Variants in ACAT1 observed in about 807,000 individuals in gnomAD.
ACAT1 encodes acetyl-CoA acetyltransferase, mitochondrial.
Under a neutral mutation model 47.3 loss-of-function variants are expected in ACAT1, and 28 were observed. That is an observed-to-expected ratio of 0.59 (90% CI 0.44 to 0.81). The LOEUF is 0.81. Ranked by LOEUF, ACAT1 falls within the 30% of genes least tolerant of loss-of-function variation. The pLI is 0.00. For synonymous variants in ACAT1, 181 were observed against 173.6 expected, an observed-to-expected ratio of 1.04 and a Z score of -0.34; for missense variants, 469 against 524.3, an observed-to-expected ratio of 0.89 and a Z score of 1.03.
chr11:108,129,691 T>C (rs1280862425), intron 1 of ACAT1, among the ~76,000 whole-genome samples: 1 of 152,164 alleles, frequency 6.6e-6, no homozygotes, highest in Non-Finnish European at 1.5e-5. Context: ...TCTTTTCCTC[T>C]GGGTAGATAC....
intron 7 of ACAT1, among the ~76,000 whole-genome samples, chr11:108,140,653 C>T (rs959973745): frequency 2.0e-5 from 3 of 152,192 alleles, no homozygotes; most frequent in Non-Finnish European, 4.4e-5. Flanking sequence ...TTCTCTCAGC[C>T]TTTCTAAAGT....
chr11:108,123,670 TTTTC>T (rs1479633186), intron 1 of ACAT1, among the ~76,000 whole-genome samples: 31 of 152,286 alleles, frequency 2.0e-4, no homozygotes, highest in East Asian at 7.7e-4. Context: ...GTGATTTCCT[TTTTC>T]TTTGTTTTTT....
In ACAT1 at chr11:108,142,845, A is replaced by G. The variant is rs2077620407; in HGVS notation, c.940+295A>G. 1.4e-5 allele frequency: 5 copies of G among 356,004 alleles called. No individual in the cohort carries two copies. The South Asian group carries it at 1.4e-4, about 10-fold the overall frequency. The allele number at this position is 356,004 out of a possible 1,614,324, so 22.1% of individuals were successfully genotyped here. Reference sequence around the variant, plus strand: ...GAGCGAGACCCTGTCTTAAAAAAAAATAAGGTTTCTAAACATCTATAAGCT... The same window carrying G: ...GAGCGAGACCCTGTCTTAAAAAAAAGTAAGGTTTCTAAACATCTATAAGCT... On this transcript the variant is annotated intron_variant, in intron 9 of 11. Transcript: ENST00000265838.
At chr11:108,134,049 T>C in intron 3 of ACAT1, 112 bp downstream of exon 3, 2 of 1,180,980 alleles carry the variant, frequency 1.7e-6, no homozygotes, top group South Asian at 2.5e-5. Context: ...AATGCCTACA[T>C]TTCTGCTTTC....
chr11:108,127,407 G>C (rs929430030), intron 1 of ACAT1, among the ~76,000 whole-genome samples: 4 of 151,918 alleles, frequency 2.6e-5, no homozygotes, highest in African/African-American at 7.3e-5. Context: ...TAGGGCTACA[G>C]GTGCCCGCCA....
chr11:108,123,936 A>G (rs1386884310), intron 1 of ACAT1, among the ~76,000 whole-genome samples: 1 of 152,204 alleles, frequency 6.6e-6, no homozygotes, highest in African/African-American at 2.4e-5. Flanking sequence ...ACTTAAAAAA[A>G]AATTCCTGTA....
At chr11:108,122,704 A>G (rs1391704698) in intron 1 of ACAT1, among the ~76,000 whole-genome samples, 1 of 152,184 alleles carries the variant, frequency 6.6e-6, no homozygotes, top group African/African-American at 2.4e-5. Flanking sequence ...TCTAAAATTG[A>G]TCCTGGGTGA....
chr11:108,135,169 C>A lies in ACAT1; in HGVS notation c.362C>A (p.Thr121Asn), dbSNP rs774412064. 1 of 1,613,762 alleles carries A rather than the reference C, an allele frequency of 6.2e-7. No homozygotes were observed. The highest frequency in any genetic ancestry group is 1.7e-5 in the Admixed American group (1 of 60,000). ...AGLPISTPCT[T>N]INKVCASGMK... The stretch of plus-strand genomic sequence containing the variant: ...TTACCTATTTCTACTCCATGTACCA[C>A]CATAAACAAAGTTTGTGCTTCAGGA... The change falls in exon 5 of 12, where the codon ACC becomes AAC. Residue 121 changes from threonine to asparagine, a missense_variant. By Grantham distance (65) the Thr-to-Asn change is moderately conservative (BLOSUM62 0). Coordinates refer to ENST00000265838, the MANE Select transcript of ACAT1 (RefSeq NM_000019.4).
At position 108,134,297 on chromosome 11, in the gene ACAT1, G is replaced by A. The variant is rs776235078; in HGVS notation, c.315G>A (p.Arg105=). 6.2e-7 allele frequency: 1 copy of A among 1,613,452 alleles called. No homozygotes were observed. The highest frequency in any genetic ancestry group is 8.5e-7 in the Non-Finnish European group (1 of 1,179,668). The part of the protein sequence containing the change: ...LQGGEGQAPT[R]QAVLGAGLPI... ...GAGGTGAAGGACAAGCTCCTACAAG[G>A]CAGGCAGTATTGGGTGCAGGTACCT... is the stretch of plus-strand genomic sequence containing the variant. Residue 105 remains arginine, a synonymous_variant, in exon 4 of 12, where the codon AGG becomes AGA. Coordinates refer to ENST00000265838, the MANE Select transcript of ACAT1 (RefSeq NM_000019.4).
chr11:108,127,969 A>T (rs943167762), intron 1 of ACAT1: 1 of 152,304 alleles, frequency 6.6e-6, no homozygotes, highest in African/African-American at 2.4e-5. Flanking sequence ...CAGGAGTTTG[A>T]GACCAGCTTG....
upstream of ACAT1, among the ~76,000 whole-genome samples, chr11:108,119,349 G>A (rs955756791): frequency 1.3e-5 from 2 of 152,040 alleles, no homozygotes; most frequent in African/African-American, 4.8e-5. Context: ...GATCACAGGT[G>A]CCCACTACCA....
In ACAT1 at chr11:108,147,309, C is replaced by T; in HGVS notation, c.1203C>T (p.Ala401=). 2 of 1,613,856 alleles carry T rather than the reference C, an allele frequency of 1.2e-6. No homozygotes were observed. The highest frequency in any genetic ancestry group is 1.7e-6 in the Non-Finnish European group (2 of 1,179,904). Residue 401 remains alanine (A), a synonymous_variant, in exon 12 of 12, where the codon GCC becomes GCT. Transcript: ENST00000265838. ...GARIVGHLTH[A]LKQGEYGLAS... is the part of the protein sequence containing the mutation. ...GGATTGTTGGTCATTTGACTCATGC[C>T]TTGAAGCAAGGAGAATACGGTCTTG...
rs1591374644 is a variant in ACAT1 at position 108,146,268 on chromosome 11, C to G, written c.1072C>G (p.Leu358Val). The G allele has an allele frequency of 6.2e-7, 1 of 1,613,536 alleles. No individual in the cohort carries two copies. Among genetic ancestry groups the G allele is most frequent in the Non-Finnish European group, 8.5e-7 (1 of 1,179,614 alleles). The change falls in exon 11 of 12, where the codon CTG becomes GTG. Residue 358 changes from leucine to valine, a missense_variant. Transcript: ENST00000265838. Reference sequence around the variant, plus strand: ...GTGGGAAGTAAATGAAGCCTTTAGTCTGGTTGTACTAGCAAACATTAAAAT... The same window carrying G: ...GTGGGAAGTAAATGAAGCCTTTAGTGTGGTTGTACTAGCAAACATTAAAAT... ...AMWEVNEAFSLVVLANIKMLE... is the reference protein window; with the variant it reads ...AMWEVNEAFSVVVLANIKMLE...
intron 1 of ACAT1, among the ~76,000 whole-genome samples, chr11:108,126,791 C>CTT (rs766192283): frequency 4.8e-4 from 55 of 114,544 alleles, no homozygotes; most frequent in Non-Finnish European, 7.2e-4. Flanking sequence ...AACAGGTTTT[C>CTT]TTTTTTTTTT....
chr11:108,137,459 G>A (rs2077489689), intron 5 of ACAT1, among the ~76,000 whole-genome samples: 1 of 152,206 alleles, frequency 6.6e-6, no homozygotes, highest in South Asian at 2.1e-4. Flanking sequence ...AGTCAGATGA[G>A]TGTTGATGAT....
Sources: gnomAD v4.1 joint callset for allele counts (sites outside exome capture counted in the v4.1 genomes callset) on GRCh38, gnomAD v4.1.1 for gene constraint, MANE v1.5 for transcripts, NCBI Gene and HGNC (gene_info 2026-07-23, HGNC 2026-07-21) for gene names.